LHFPL2: variants seen among roughly 807,000 people sequenced by gnomAD.
LHFPL2 encodes the protein LHFPL tetraspan subfamily member 2 protein.
A neutral mutation model predicts 17.5 loss-of-function variants in LHFPL2; 7 were observed. The observed-to-expected ratio is 0.40, with a 90% CI of 0.23 to 0.75. The LOEUF (loss-of-function observed/expected upper bound fraction) is 0.75, where lower values mean the gene tolerates loss of function less well. Ranked by LOEUF, LHFPL2 falls within the 30% of genes least tolerant of loss-of-function variation. LHFPL2 has a pLI of 0.37. For synonymous variants in LHFPL2, 134 were observed against 116.2 expected, an observed-to-expected ratio of 1.15 and a Z score of -0.99; for missense variants, 241 against 294.8, an observed-to-expected ratio of 0.82 and a Z score of 1.34.
intron 2 of LHFPL2, among the ~76,000 whole-genome samples, chr5:78,616,299 T>A (rs973550658): frequency 2.0e-5 from 3 of 152,136 alleles, no homozygotes; most frequent in Admixed American, 2.0e-4. Flanking sequence ...GCTAATTTTT[T>A]TGTATTTTTA....
chr5:78,502,662 C>T (rs1468536352), intron 4 of LHFPL2, among the ~76,000 whole-genome samples: 2 of 151,986 alleles, frequency 1.3e-5, no homozygotes, highest in Non-Finnish European at 2.9e-5. Flanking sequence ...AAATAAACTG[C>T]AAAATGTAAT....
At chr5:78,645,817 G>A (rs558227102) in intron 1 of LHFPL2, among the ~76,000 whole-genome samples, 3 of 152,164 alleles carry the variant, frequency 2.0e-5, no homozygotes, top group Admixed American at 6.5e-5. Context: ...CCCTGACCTC[G>A]TGATCCACCC....
At chr5:78,611,668 T>C (rs1744426639) in intron 2 of LHFPL2, among the ~76,000 whole-genome samples, 2 of 152,192 alleles carry the variant, frequency 1.3e-5, no homozygotes, top group South Asian at 4.1e-4. Flanking sequence ...CTGGGAGGAA[T>C]GTGGATTTTA....
At chr5:78,634,258 G>C (rs1278608668) in intron 1 of LHFPL2, among the ~76,000 whole-genome samples, 3 of 152,236 alleles carry the variant, frequency 2.0e-5, no homozygotes, top group Non-Finnish European at 4.4e-5. Context: ...AGGTCATGAA[G>C]GGAGATGATG....
intron 3 of LHFPL2, among the ~76,000 whole-genome samples, chr5:78,546,636 C>A (rs546458958): frequency 6.6e-6 from 1 of 152,240 alleles, no homozygotes; most frequent in South Asian, 2.1e-4. Context: ...TAGAACACCA[C>A]AATCTGGCAG....
rs767937500 is a variant in LHFPL2 at position 78,603,745 on chromosome 5, T to A, written c.-245+28519A>T. Among the ~76,000 whole-genome samples, 161 of 152,264 alleles carry A rather than the reference T, an allele frequency of 1.1e-3. 2 individuals carry two copies. The highest frequency in any genetic ancestry group is 9.6e-4 in the East Asian group (5 of 5,186). Reference sequence around the variant, plus strand: ...AATTTTTTTCAGTTAAAAAAATTTTTAAAAAAACACACAGATGTTTGCAGC... The same window carrying A: ...AATTTTTTTCAGTTAAAAAAATTTTAAAAAAAACACACAGATGTTTGCAGC... On this transcript the variant is annotated intron_variant, in intron 2 of 4. Coordinates refer to ENST00000380345, the MANE Select transcript of LHFPL2 (RefSeq NM_005779.3).
chr5:78,518,188 T>C (rs1755345039), intron 3 of LHFPL2, among the ~76,000 whole-genome samples: 1 of 152,248 alleles, frequency 6.6e-6, no homozygotes, highest in South Asian at 2.1e-4. Flanking sequence ...TTCTCAAGTT[T>C]ATAATGAATT....
chr5:78,631,398 A>T (rs937423607), intron 2 of LHFPL2, among the ~76,000 whole-genome samples: 1 of 152,162 alleles, frequency 6.6e-6, no homozygotes, highest in Non-Finnish European at 1.5e-5. Flanking sequence ...AACTTACGCT[A>T]CTTGGGATGA....
At chr5:78,608,629 G>A (rs1379058809) in intron 2 of LHFPL2, among the ~76,000 whole-genome samples, 1 of 150,828 alleles carries the variant, frequency 6.6e-6, no homozygotes, top group Non-Finnish European at 1.5e-5. Context: ...CAGGTATTTA[G>A]TGACTTAAAA....
chr5:78,642,937 G>A (rs1285177911), intron 1 of LHFPL2, among the ~76,000 whole-genome samples: 1 of 152,078 alleles, frequency 6.6e-6, no homozygotes, highest in Non-Finnish European at 1.5e-5. Context: ...CAGGATTTCT[G>A]CACTCTGGTA....
chr5:78,599,294 T>G (rs1743927107), intron 2 of LHFPL2, among the ~76,000 whole-genome samples: 1 of 152,054 alleles, frequency 6.6e-6, no homozygotes, highest in African/African-American at 2.4e-5. Flanking sequence ...ACCCTTTTTT[T>G]GGGCGGGGAG....
At chr5:78,534,657 G>A (rs1755890166) in intron 3 of LHFPL2, among the ~76,000 whole-genome samples, 1 of 152,206 alleles carries the variant, frequency 6.6e-6, no homozygotes, top group Non-Finnish European at 1.5e-5. Flanking sequence ...CCAGGTCCTT[G>A]AGGGAAGCAA....
At chr5:78,494,554 A>G in intron 4 of LHFPL2, 1 of 983,468 alleles carries the variant, frequency 1.0e-6, no homozygotes, top group Non-Finnish European at 1.2e-6. Flanking sequence ...AAAACAAATG[A>G]AAAGCTGATG....
At chr5:78,528,020 A>G (rs770338007) in intron 3 of LHFPL2, among the ~76,000 whole-genome samples, 5 of 152,162 alleles carry the variant, frequency 3.3e-5, no homozygotes, top group African/African-American at 7.2e-5. Flanking sequence ...GCTATTTTCC[A>G]TCTCTGAACC....
chr5:78,508,578 G>A (rs1288227576), intron 4 of LHFPL2, among the ~76,000 whole-genome samples: 1 of 152,176 alleles, frequency 6.6e-6, no homozygotes. Context: ...GGAAAAAACT[G>A]TCATTTGATC....
intron 2 of LHFPL2, among the ~76,000 whole-genome samples, chr5:78,582,145 T>C (rs1386271638): frequency 2.6e-5 from 4 of 152,262 alleles, no homozygotes; most frequent in Non-Finnish European, 5.9e-5. Flanking sequence ...TACCCCTTTA[T>C]CATTTTTTAT....
rs10562386 is a variant in LHFPL2, at chr5:78,507,941, TACACACACACACAC to T, written c.430+1829_430+1842del. On this transcript the variant is annotated intron_variant, in intron 4 of 4. Coordinates refer to ENST00000380345, the MANE Select transcript of LHFPL2 (RefSeq NM_005779.3). ...AAAAGTTTTAAGATATACACATGCATACACACACACACACACACACACACACACACACACATGCC... is the reference window on the plus strand; with the variant it reads ...AAAAGTTTTAAGATATACACATGCATACACACACACACACACACACATGCC... Among the ~76,000 whole-genome samples, 225 of 148,564 alleles carry T rather than the reference TACACACACACACAC, an allele frequency of 1.5e-3. 1 individual carries two copies. The highest frequency in any genetic ancestry group is 5.0e-3 in the African/African-American group (203 of 40,392).
At chr5:78,610,561 T>C (rs13175735) in intron 2 of LHFPL2, among the ~76,000 whole-genome samples, 2 of 152,114 alleles carry the variant, frequency 1.3e-5, no homozygotes, top group African/African-American at 4.8e-5. Flanking sequence ...CAGAAGGCCC[T>C]CTTCATGGGC....
At position 78,492,847 on chromosome 5, in the gene LHFPL2, T is replaced by C. The variant is rs559733462; in HGVS notation, c.431-3694A>G. ...AGTGTGCCAACCACACGCTGCAACCTGGGCAGCCAGCCCCGACAAGCACAA... is the reference window on the plus strand; with the variant it reads ...AGTGTGCCAACCACACGCTGCAACCCGGGCAGCCAGCCCCGACAAGCACAA... On this transcript the variant is annotated intron_variant, in intron 4 of 4. Coordinates refer to ENST00000380345, the MANE Select transcript of LHFPL2 (RefSeq NM_005779.3). Among the ~76,000 whole-genome samples, 3 of 152,352 alleles carry C rather than the reference T, an allele frequency of 2.0e-5. No individual in the cohort carries two copies. In the East Asian group the frequency reaches 5.8e-4, roughly 29 times the overall value.
Sources: allele counts gnomAD v4.1 joint callset (sites outside exome capture counted in the v4.1 genomes callset), GRCh38; gene constraint gnomAD v4.1.1; transcripts MANE v1.5; gene names NCBI Gene and HGNC (gene_info 2026-07-23, HGNC 2026-07-21).